LRP1B: variants seen among roughly 807,000 people sequenced by gnomAD.
LRP1B encodes the protein low-density lipoprotein receptor-related protein 1B.
In LRP1B, 217 loss-of-function variants were observed where a neutral mutation model predicts 556.6. The ratio of observed to expected loss-of-function variants is 0.39; its 90% confidence interval spans 0.35 to 0.44. LRP1B has a LOEUF of 0.44. Ranked by LOEUF, LRP1B falls within the 20% of genes least tolerant of loss-of-function variation. The pLI is 1.00. For synonymous variants in LRP1B, 2,047 were observed against 1,865.8 expected, an observed-to-expected ratio of 1.10 and a Z score of -2.50; for missense variants, 5,053 against 5,620.8, an observed-to-expected ratio of 0.90 and a Z score of 3.23.
chr2:141,602,181 C>A (rs1687770787), intron 2 of LRP1B, among the ~76,000 whole-genome samples: 1 of 152,130 alleles, frequency 6.6e-6, no homozygotes, highest in Admixed American at 6.5e-5. Flanking sequence ...CCTATTAGGT[C>A]TCTGAATAGT....
chr2:141,836,690 G>C (rs1359830021), intron 1 of LRP1B, among the ~76,000 whole-genome samples: 1 of 151,860 alleles, frequency 6.6e-6, no homozygotes, highest in African/African-American at 2.4e-5. Flanking sequence ...ATTTCTTTAT[G>C]CTGCTATCTT....
chr2:141,545,246 C>G (rs1371065817), intron 2 of LRP1B, among the ~76,000 whole-genome samples: 1 of 152,174 alleles, frequency 6.6e-6, no homozygotes, highest in Non-Finnish European at 1.5e-5. Flanking sequence ...CATATATTTA[C>G]TCATGGTCAA....
At chr2:141,373,489 C>T (rs1689310199) in intron 3 of LRP1B, among the ~76,000 whole-genome samples, 1 of 151,970 alleles carries the variant, frequency 6.6e-6, no homozygotes, top group African/African-American at 2.4e-5. Context: ...TTTTTAAAGT[C>T]TAGTATTATT....
At chr2:140,924,102 G>T (rs563583001) in intron 20 of LRP1B, among the ~76,000 whole-genome samples, 1 of 151,976 alleles carries the variant, frequency 6.6e-6, no homozygotes, top group Admixed American at 6.6e-5. Context: ...TAATGTATAA[G>T]CTACCTATAG....
intron 7 of LRP1B, among the ~76,000 whole-genome samples, chr2:141,175,854 G>A (rs1208666231): frequency 3.3e-5 from 5 of 152,136 alleles, no homozygotes; most frequent in Admixed American, 6.6e-5. Context: ...GTACCATGAA[G>A]AGCCACAAGG....
chr2:140,571,738 C>T (rs1681329641), intron 43 of LRP1B, among the ~76,000 whole-genome samples: 1 of 151,606 alleles, frequency 6.6e-6, no homozygotes, highest in Admixed American at 6.6e-5. Context: ...AAAGACATCA[C>T]AAAACCTAAC....
At chr2:140,390,768 TCACACACACACACACACA>T (rs70985096) in intron 66 of LRP1B, among the ~76,000 whole-genome samples, 3 of 143,682 alleles carry the variant, frequency 2.1e-5, no homozygotes, top group South Asian at 2.3e-4. Flanking sequence ...AATAGAAACT[TCACACACACACACACACA>T]CACACACACA....
intron 3 of LRP1B, among the ~76,000 whole-genome samples, chr2:141,462,436 T>C (rs1211881259): frequency 2.7e-5 from 4 of 149,362 alleles, no homozygotes; most frequent in African/African-American, 1.0e-4. Context: ...AAGTGGGAGT[T>C]GAACAGTGAA....
chr2:141,411,252 C>A (rs929539555), intron 3 of LRP1B, among the ~76,000 whole-genome samples: 2 of 151,904 alleles, frequency 1.3e-5, no homozygotes, highest in African/African-American at 4.8e-5. Context: ...CATAATGAAG[C>A]CACAGAAAAC....
intron 3 of LRP1B, among the ~76,000 whole-genome samples, chr2:141,471,432 T>A (rs566766788): frequency 6.6e-6 from 1 of 152,264 alleles, no homozygotes; most frequent in South Asian, 2.1e-4. Context: ...CAAGTATGTA[T>A]GCTTCAACCT....
chr2:141,340,698 A>G (rs542466818), intron 3 of LRP1B, among the ~76,000 whole-genome samples: 45 of 152,290 alleles, frequency 3.0e-4, no homozygotes, highest in South Asian at 1.0e-3. Context: ...ATAATCTTCA[A>G]ATTATCCTAG....
At chr2:141,540,872 A>G (rs977561936) in intron 2 of LRP1B, among the ~76,000 whole-genome samples, 1 of 152,008 alleles carries the variant, frequency 6.6e-6, no homozygotes, top group Non-Finnish European at 1.5e-5. Flanking sequence ...TGCCATGTCA[A>G]TAGTGGTGAA....
chr2:140,854,834 G>C (rs1375678835), intron 27 of LRP1B, among the ~76,000 whole-genome samples: 3 of 152,130 alleles, frequency 2.0e-5, no homozygotes, highest in African/African-American at 7.2e-5. Flanking sequence ...TTTTATAAGA[G>C]ACACTACTGC....
intron 3 of LRP1B, 149 bp downstream of exon 3, chr2:141,480,247 T>C: frequency 1.2e-6 from 1 of 827,400 alleles, no homozygotes; most frequent in Non-Finnish European, 2.0e-6. Flanking sequence ...TTGAAATGCA[T>C]ATTAAAATGT....
At chr2:141,107,771 G>A (rs1446625839) in intron 7 of LRP1B, among the ~76,000 whole-genome samples, 1 of 152,070 alleles carries the variant, frequency 6.6e-6, no homozygotes, top group East Asian at 1.9e-4. Flanking sequence ...TGAAAGATTG[G>A]TGGGAATTGA....
chr2:140,313,643 T>G (rs1684400554), intron 83 of LRP1B, among the ~76,000 whole-genome samples: 1 of 151,902 alleles, frequency 6.6e-6, no homozygotes, highest in African/African-American at 2.4e-5. Flanking sequence ...TTCCAAACAA[T>G]TAATTTTTTA....
intron 83 of LRP1B, among the ~76,000 whole-genome samples, chr2:140,302,603 G>A (rs1683882857): frequency 6.6e-6 from 1 of 152,142 alleles, no homozygotes; most frequent in Non-Finnish European, 1.5e-5. Context: ...TTGTGGAGGA[G>A]ATTGGCATTG....
intron 84 of LRP1B, among the ~76,000 whole-genome samples, chr2:140,276,810 A>G (rs1335734216): frequency 6.6e-6 from 1 of 151,976 alleles, no homozygotes; most frequent in Non-Finnish European, 1.5e-5. Context: ...TTATAGAATC[A>G]TATAGGGAAC....
chr2:141,863,559 G>A (rs1193665051), intron 1 of LRP1B, among the ~76,000 whole-genome samples: 1 of 152,064 alleles, frequency 6.6e-6, no homozygotes, highest in African/African-American at 2.4e-5. Flanking sequence ...ACTAGTAATT[G>A]CAGATAAATT....
Sources: gnomAD v4.1 joint callset for allele counts (sites outside exome capture counted in the v4.1 genomes callset) on GRCh38, gnomAD v4.1.1 for gene constraint, MANE v1.5 for transcripts, NCBI Gene and HGNC (gene_info 2026-07-23, HGNC 2026-07-21) for gene names.